Variants in KIF13A observed in about 807,000 individuals in gnomAD.
KIF13A encodes kinesin family member 13A, also known as kinesin-like protein KIF13A.
A neutral mutation model predicts 212.2 loss-of-function variants in KIF13A; 79 were observed. The observed-to-expected ratio is 0.37, with a 90% CI of 0.31 to 0.45. KIF13A has a LOEUF of 0.45. KIF13A is among the 20% of genes least tolerant of loss of function. The pLI is 1.00. For missense variants in KIF13A, 1,901 were observed against 2,209.0 expected (o/e 0.86, Z 2.79); for synonymous variants, 789 against 808.6 (o/e 0.98, Z 0.41).
intron 2 of KIF13A, among the ~76,000 whole-genome samples, chr6:17,949,783 TA>T (rs1251968403): frequency 6.6e-6 from 1 of 152,038 alleles, no homozygotes; most frequent in Non-Finnish European, 1.5e-5. Flanking sequence ...TATACAGTAA[TA>T]AAAAAACAAG....
At chr6:17,800,230 G>T in intron 20 of KIF13A, 117 bp from the exon 21 acceptor site, 1 of 935,522 alleles carries the variant, frequency 1.1e-6, no homozygotes, top group Non-Finnish European at 1.6e-6. Context: ...CTGCTGCTTG[G>T]TCGTCTTCGG....
chr6:17,987,485 G>T lies in KIF13A; in HGVS notation c.-22C>A. 1 of 1,253,832 alleles carries T rather than the reference G, an allele frequency of 8.0e-7. No individual in the cohort carries two copies. The highest frequency in any genetic ancestry group is 1.4e-5 in the South Asian group (1 of 69,018). 77.7% of individuals were successfully genotyped at this position (1,253,832 alleles called of 1,614,324 possible). On this transcript the variant is annotated 5_prime_UTR_variant, in exon 1 of 39. Transcript: ENST00000259711. The surrounding 1 kb of genome is among the most constrained non-coding windows in gnomAD (Gnocchi z 7.7). ...ACATGTTGGCTGCGCTCGCCCGGCC[G>T]CTCGCCGCGCCCGCTCGGCCTTAGG...
intron 9 of KIF13A, among the ~76,000 whole-genome samples, chr6:17,844,930 A>G (rs9396812): frequency 0.33 from 49,731 of 152,040 alleles, 9,009 homozygotes; most frequent in East Asian, 0.49. Flanking sequence ...AGAATCATGG[A>G]AAGTACTCAA....
chr6:17,920,650 G>T (rs547182511), intron 2 of KIF13A, among the ~76,000 whole-genome samples: 9 of 152,212 alleles, frequency 5.9e-5, no homozygotes, highest in African/African-American at 2.2e-4. Context: ...GAGGTGGGTG[G>T]ATTACCTGAG....
intron 3 of KIF13A, among the ~76,000 whole-genome samples, chr6:17,875,110 C>T (rs868066840): frequency 2.6e-4 from 40 of 151,818 alleles, no homozygotes; most frequent in African/African-American, 9.4e-4. Context: ...CCACTATAAA[C>T]ATGCATGTGC....
rs779336413 is a variant in KIF13A at position 17,768,776 on chromosome 6, C to T, written c.4581+2338G>A. On this transcript the variant is annotated intron_variant, in intron 38 of 38. Transcript: ENST00000259711. This position sits in a 1 kb window ranked among gnomAD's most constrained non-coding sequence, Gnocchi z 5.4. ...CACATGCTGTCTATGCAAGACCTAA[C>T]GGAAAGGTCGTGTGGATACTGGGAA... is the stretch of plus-strand genomic sequence containing the variant. Among the ~76,000 whole-genome samples the T allele has an allele frequency of 1.6e-4, 24 of 152,184 alleles. No individual in the cohort carries two copies. The highest frequency in any genetic ancestry group is 9.8e-4 in the Admixed American group (15 of 15,276).
chr6:17,957,435 T>C (rs1778435219), intron 2 of KIF13A, among the ~76,000 whole-genome samples: 1 of 152,182 alleles, frequency 6.6e-6, no homozygotes, highest in African/African-American at 2.4e-5. Context: ...TGTTTATTTG[T>C]ATCCTCTAAG....
intron 3 of KIF13A, among the ~76,000 whole-genome samples, chr6:17,877,673 GT>G (rs959175582): frequency 1.4e-5 from 2 of 147,846 alleles, no homozygotes; most frequent in African/African-American, 2.5e-5. Context: ...TTTTCTTTTT[GT>G]TTTTTTTGAA....
intron 2 of KIF13A, among the ~76,000 whole-genome samples, chr6:17,975,011 A>G (rs926623317): frequency 2.6e-5 from 4 of 152,134 alleles, no homozygotes; most frequent in Non-Finnish European, 5.9e-5. Context: ...CTTGGTCCCA[A>G]GCTACCAGCA....
chr6:17,983,494 C>CTTT (rs747300594), intron 2 of KIF13A, among the ~76,000 whole-genome samples: 7 of 127,340 alleles, frequency 5.5e-5, no homozygotes, highest in Admixed American at 7.8e-5. Context: ...GCTGCTGCTG[C>CTTT]TTTTTTTTTT....
chr6:17,953,710 C>T (rs894796061), intron 2 of KIF13A: 18 of 187,194 alleles, frequency 9.6e-5, no homozygotes, highest in African/African-American at 3.5e-4. Context: ...CACCCAACTA[C>T]GATGAGCCTG....
intron 2 of KIF13A, chr6:17,950,365 A>T: frequency 1.1e-6 from 1 of 947,964 alleles, no homozygotes. Flanking sequence ...ATATTTGGTT[A>T]GAGGAAAAGA....
chr6:17,822,109 A>C (rs1171119410), intron 16 of KIF13A, among the ~76,000 whole-genome samples: 1 of 148,220 alleles, frequency 6.7e-6, no homozygotes, highest in African/African-American at 2.5e-5. Flanking sequence ...GTGCGATCTC[A>C]GCTCTAACTG....
At chr6:17,920,607 CTCACGCCTGTAA>C (rs1333002528) in intron 2 of KIF13A, among the ~76,000 whole-genome samples, 1 of 152,170 alleles carries the variant, frequency 6.6e-6, no homozygotes, top group Non-Finnish European at 1.5e-5. Context: ...GGTGCGGTGG[CTCACGCCTGTAA>C]TCCCAGCACT....
Position 17,830,112 on chromosome 6 carries a change from A to G in KIF13A, c.1401+989T>C, listed in dbSNP as rs1221258501. The stretch of plus-strand genomic sequence containing the variant: ...ATGTCAGTCACAGTGTCCTAAATCA[A>G]TGTCAATCAGATATCTTATTTCTCA... On this transcript the variant is annotated intron_variant, in intron 13 of 38. Transcript: ENST00000259711. 2.0e-5 allele frequency among the ~76,000 whole-genome samples: 3 copies of G among 152,310 alleles called. No homozygotes were observed. In the South Asian group the frequency reaches 6.2e-4, roughly 32 times the overall value.
chr6:17,806,414 A>G (rs1204934901), intron 18 of KIF13A, among the ~76,000 whole-genome samples: 2 of 152,240 alleles, frequency 1.3e-5, no homozygotes, highest in African/African-American at 2.4e-5. Context: ...TGGGCTTAGA[A>G]TAAATTTCCC....
intron 32 of KIF13A, 80 bp from the exon 33 acceptor site, chr6:17,779,179 A>C: frequency 8.7e-7 from 1 of 1,148,152 alleles, no homozygotes; most frequent in South Asian, 1.4e-5. Context: ...AACGTTTTAG[A>C]AGTCTGGAGA....
chr6:17,849,454 T>C lies in KIF13A; in HGVS notation c.753A>G (p.Val251=). Residue 251 remains valine (V), a synonymous_variant, in exon 9 of 39, where the codon GTA becomes GTG. Coordinates refer to ENST00000259711, the MANE Select transcript of KIF13A (RefSeq NM_022113.6). The surrounding 1 kb of genome is among the most constrained non-coding windows in gnomAD (Gnocchi z 5.7). ...ATACTCTTTCGCTACCCGCCAGGTC[T>C]ACCAAGCTGACCTTACTGACTTTCT... is the stretch of plus-strand genomic sequence containing the variant. The part of the protein sequence containing the change: ...SGEKVSKVSL[V]DLAGSERVSK... 1 of 1,613,746 alleles carries C rather than the reference T, an allele frequency of 6.2e-7. No homozygotes were observed. Among genetic ancestry groups the C allele is most frequent in the African/African-American group, 1.3e-5 (1 of 75,036 alleles).
intron 4 of KIF13A, among the ~76,000 whole-genome samples, chr6:17,861,104 A>G (rs1456467122): frequency 3.3e-5 from 5 of 152,172 alleles, no homozygotes; most frequent in Non-Finnish European, 7.4e-5. Context: ...TAGAATTCAA[A>G]TTTATCATAT....
Sources: gnomAD v4.1 joint callset for allele counts (sites outside exome capture counted in the v4.1 genomes callset) on GRCh38, gnomAD v4.1.1 for gene constraint, Gnocchi (gnomAD v3.1) non-coding constraint, MANE v1.5 for transcripts, NCBI Gene and HGNC (gene_info 2026-07-23, HGNC 2026-07-21) for gene names.